The following ZNF578 variants were observed in gnomAD, a reference collection of about 807,000 sequenced individuals.
ZNF578 encodes Putative chemokine-related protein B42.
A neutral mutation model predicts 8.3 loss-of-function variants in ZNF578; 8 were observed. The observed-to-expected ratio is 0.96, with a 90% confidence interval of 0.56 to 1.74. ZNF578 has a LOEUF of 1.74. Ranked by LOEUF, ZNF578 falls within the 40% of genes most tolerant of loss-of-function variation. ZNF578 has a pLI of 0.00. For missense variants in ZNF578, 726 were observed against 707.5 expected, an observed-to-expected ratio of 1.03 and a Z score of -0.30; for synonymous variants, 206 against 232.2, an observed-to-expected ratio of 0.89 and a Z score of 1.03.
chr19:52,473,040 C>T (rs568244785), intron 2 of ZNF578, among the ~76,000 whole-genome samples: 2 of 152,242 alleles, frequency 1.3e-5, no homozygotes, highest in African/African-American at 4.8e-5. Context: ...TAGTAATATT[C>T]CTTGAGTTAT....
rs2059446678 is a variant in ZNF578, at chr19:52,511,529, A to T, written c.1148A>T (p.Asn383Ile). Residue 383 changes from asparagine (N) to isoleucine (I), a missense_variant, in exon 6 of 6, where the codon AAT becomes ATT. Physicochemically the swap from Asn to Ile is moderately radical, Grantham distance 149. Transcript: ENST00000421239. ...CNECGKMFGQ[N>I]STLVIHKAIH... Reference sequence around the variant, plus strand: ...GAGTGTGGCAAGATGTTTGGTCAAAATTCAACCCTTGTAATTCATAAGGCA... The same window carrying T: ...GAGTGTGGCAAGATGTTTGGTCAAATTTCAACCCTTGTAATTCATAAGGCA... The T allele has an allele frequency of 6.2e-7, 1 of 1,613,656 alleles. No homozygotes were observed. Among genetic ancestry groups the T allele is most frequent in the African/African-American group, 1.3e-5 (1 of 74,882 alleles).
rs113596190 is a variant in ZNF578, at chr19:52,510,623, A to G, written c.242A>G (p.Asn81Ser). The change falls in exon 6 of 6, where the codon AAT becomes AGT. Residue 81 changes from asparagine (N) to serine (S), a missense_variant. Asn to Ser is a conservative substitution (Grantham distance 46). Transcript: ENST00000421239. ...GAGGTCTTGTCAACAGGGCAAGGCA[A>G]TACAGAAGTGATCCACACAGGGATG... The part of the protein sequence containing the change: ...MKEVLSTGQG[N>S]TEVIHTGMLQ... 63 of 1,594,880 alleles carry G rather than the reference A, an allele frequency of 4.0e-5. No individual in the cohort carries two copies. In the African/African-American group the frequency reaches 5.1e-4, roughly 13 times the overall value.
chr19:52,474,501 A>G lies in ZNF578; in HGVS notation c.-121-16823A>G, dbSNP rs113842588. On this transcript the variant is annotated intron_variant, in intron 2 of 5. Transcript: ENST00000421239. ...GCTTCTCTCCAGTATGAATTATCCA[A>G]TGTTCTGCAAGGTGTGAACTCTGAG... is the stretch of plus-strand genomic sequence containing the variant. 3.4e-3 allele frequency: 1,057 copies of G among 306,530 alleles called. 4 individuals carry two copies. Among genetic ancestry groups the G allele is most frequent in the Admixed American group, 5.6e-3 (129 of 23,174 alleles). The allele number at this position is 306,530 out of a possible 1,614,324, so 19.0% of individuals were successfully genotyped here.
chr19:52,499,748 T>G (rs2059400027), intron 3 of ZNF578, among the ~76,000 whole-genome samples: 1 of 149,476 alleles, frequency 6.7e-6, no homozygotes, highest in Non-Finnish European at 1.5e-5. Flanking sequence ...TGCAATGCCA[T>G]GATATCAGCT....
rs761778900 is a variant in ZNF578, at chr19:52,511,703, G to A, written c.1322G>A (p.Ser441Asn). The A allele has an allele frequency of 2.5e-6, 4 of 1,612,030 alleles. No homozygotes were observed. In the South Asian group the frequency reaches 3.3e-5, roughly 13 times the overall value. ...GGTAAGGCTTTTATTCATCAGTCAA[G>A]CCTTGCACGTCATCATAGACTTCAT... ...DCGKAFIHQS[S>N]LARHHRLHTG... Residue 441 changes from serine (S) to asparagine (N), a missense_variant, in exon 6 of 6, where the codon AGC becomes AAC. Transcript: ENST00000421239.
intron 5 of ZNF578, among the ~76,000 whole-genome samples, chr19:52,508,211 G>A (rs1356647476): frequency 6.6e-6 from 1 of 151,966 alleles, no homozygotes; most frequent in Non-Finnish European, 1.5e-5. Context: ...TGTGCGTGGT[G>A]GTGCATGCCT....
intron 3 of ZNF578, among the ~76,000 whole-genome samples, chr19:52,495,439 A>T (rs1038966776): frequency 3.4e-5 from 5 of 148,120 alleles, no homozygotes; most frequent in African/African-American, 5.0e-5. Context: ...AATAAGAGCG[A>T]ATCTCTGTCT....
rs35772645 is a variant in ZNF578, at chr19:52,512,234, AG to A, written c.*82del. On this transcript the variant is annotated 3_prime_UTR_variant, in exon 6 of 6. Coordinates refer to ENST00000421239, the MANE Select transcript of ZNF578 (RefSeq NM_001099694.2). The stretch of plus-strand genomic sequence containing the variant: ...TCACAGATCACGCCTTAAAAGACAT[AG>A]GAGAATTCATACTGGAGAGAAACCT... 0.22 allele frequency: 345,861 copies of A among 1,606,934 alleles called. 38,650 individuals are homozygous for A. The highest frequency in any genetic ancestry group is 0.25 in the Admixed American group (14,966 of 59,940).
chr19:52,487,322 C>G (rs534178666), intron 2 of ZNF578, among the ~76,000 whole-genome samples: 1 of 152,198 alleles, frequency 6.6e-6, no homozygotes, highest in South Asian at 2.1e-4. Flanking sequence ...GGGCGAGAGA[C>G]TTTGGGTTTA....
chr19:52,476,234 TC>T (rs2059307981), intron 2 of ZNF578, among the ~76,000 whole-genome samples: 1 of 152,132 alleles, frequency 6.6e-6, no homozygotes, highest in Non-Finnish European at 1.5e-5. Flanking sequence ...AGCTCTCAAA[TC>T]ATGCCACAGT....
At chr19:52,497,736 A>G (rs1417393360) in intron 3 of ZNF578, among the ~76,000 whole-genome samples, 1 of 152,214 alleles carries the variant, frequency 6.6e-6, no homozygotes, top group Admixed American at 6.5e-5. Context: ...GTACTTGATA[A>G]TGATATCAAG....
intron 2 of ZNF578, among the ~76,000 whole-genome samples, chr19:52,484,980 C>A (rs961179400): frequency 6.8e-6 from 1 of 146,796 alleles, no homozygotes; most frequent in Non-Finnish European, 1.5e-5. Context: ...GACCACCAAA[C>A]AGACTTTGTG....
chr19:52,482,369 G>C (rs998847054), intron 2 of ZNF578, among the ~76,000 whole-genome samples: 3 of 152,094 alleles, frequency 2.0e-5, no homozygotes, highest in Non-Finnish European at 2.9e-5. Flanking sequence ...AGGACGCGGT[G>C]GCTCACGCCA....
chr19:52,459,769 A>ATTTTTT lies in ZNF578; in HGVS notation c.-122+2830_-122+2835dup, dbSNP rs1164629700. On this transcript the variant is annotated intron_variant, in intron 2 of 5. Coordinates refer to ENST00000421239, the MANE Select transcript of ZNF578 (RefSeq NM_001099694.2). ...TGTGTGTGTATATATATATATATATATTTTTTTTTTTTTTTTTTTTTTTTG... is the reference window on the plus strand; with the variant it reads ...TGTGTGTGTATATATATATATATATATTTTTTTTTTTTTTTTTTTTTTTTTTTTTTG... Among the ~76,000 whole-genome samples the ATTTTTT allele has an allele frequency of 4.9e-3, 87 of 17,616 alleles. 10 individuals are homozygous for ATTTTTT. The highest frequency in any genetic ancestry group is 0.012 in the South Asian group (2 of 164). 11.6% of individuals were successfully genotyped at this position (17,616 alleles called of 152,430 possible).
At chr19:52,492,779 C>T (rs944825964) in intron 3 of ZNF578, 1 of 152,232 alleles carries the variant, frequency 6.6e-6, no homozygotes, top group African/African-American at 2.4e-5. Context: ...CCAAACTGTT[C>T]GCGGGCCCCG....
intron 2 of ZNF578, among the ~76,000 whole-genome samples, chr19:52,463,074 C>T (rs1428891124): frequency 6.6e-6 from 1 of 152,112 alleles, no homozygotes; most frequent in Non-Finnish European, 1.5e-5. Context: ...TCCCTATCTC[C>T]CCCTATCTCC....
chr19:52,475,631 A>C (rs2059306085), intron 2 of ZNF578, among the ~76,000 whole-genome samples: 1 of 152,210 alleles, frequency 6.6e-6, no homozygotes, highest in Non-Finnish European at 1.5e-5. Flanking sequence ...TGCTGGGATT[A>C]TAGGCGTGAG....
chr19:52,508,992 C>T (rs2059435158), intron 5 of ZNF578, among the ~76,000 whole-genome samples: 1 of 147,704 alleles, frequency 6.8e-6, no homozygotes, highest in South Asian at 2.1e-4. Flanking sequence ...ACCTCCGGCT[C>T]CTGGGTTCAA....
intron 2 of ZNF578, among the ~76,000 whole-genome samples, chr19:52,481,403 C>T (rs903271961): frequency 6.6e-6 from 1 of 152,180 alleles, no homozygotes. Context: ...CTCCTTGCTT[C>T]TGGTGAACAA....
Sources: allele counts gnomAD v4.1 joint callset (sites outside exome capture counted in the v4.1 genomes callset), GRCh38; gene constraint gnomAD v4.1.1; transcripts MANE v1.5; gene names NCBI Gene and HGNC (gene_info 2026-07-23, HGNC 2026-07-21).